Variants in FSTL5 observed in about 807,000 individuals in gnomAD.
FSTL5 encodes follistatin-related protein 5.
Under a neutral mutation model 89.1 loss-of-function variants are expected in FSTL5, and 62 were observed. The observed-to-expected ratio is 0.70, with a 90% CI of 0.57 to 0.86. FSTL5 has a LOEUF of 0.86. Among genes scored for constraint, FSTL5 ranks in the 40% least tolerant of loss-of-function variants. The pLI is 0.00. For synonymous variants in FSTL5, 383 were observed against 346.2 expected (o/e 1.11, Z -1.18); for missense variants, 1,057 against 1,001.6 (o/e 1.06, Z -0.75).
intron 4 of FSTL5, among the ~76,000 whole-genome samples, chr4:161,836,307 G>C (rs1340357659): frequency 8.4e-6 from 1 of 119,424 alleles, no homozygotes; most frequent in Non-Finnish European, 1.7e-5. Flanking sequence ...ACTGTTGTGG[G>C]GTGGGGGGAG....
At chr4:161,734,507 A>G (rs1444264594) in intron 6 of FSTL5, among the ~76,000 whole-genome samples, 1 of 152,160 alleles carries the variant, frequency 6.6e-6, no homozygotes, top group East Asian at 1.9e-4. Context: ...ATATTTTAAT[A>G]GAGATGTAAA....
intron 15 of FSTL5, among the ~76,000 whole-genome samples, chr4:161,431,055 T>C (rs186500220): frequency 6.6e-6 from 1 of 152,160 alleles, no homozygotes; most frequent in African/African-American, 2.4e-5. Context: ...CAAAAAATGT[T>C]AAAGACAGTT....
rs34015058 is a variant in FSTL5 at position 161,808,626 on chromosome 4, C to CA, written c.410-32553dup. On this transcript the variant is annotated intron_variant, in intron 4 of 15. Coordinates refer to ENST00000306100, the MANE Select transcript of FSTL5 (RefSeq NM_020116.5). ...CTTGCATATGACACCAAAAACAGAC[C>CA]AAAAAAAAAACCCAGATAAAATGAA... 3.5e-4 allele frequency among the ~76,000 whole-genome samples: 53 copies of CA among 150,462 alleles called. 1 individual carries two copies. The highest frequency in any genetic ancestry group is 1.1e-3 in the African/African-American group (44 of 40,968).
intron 15 of FSTL5, among the ~76,000 whole-genome samples, chr4:161,442,727 A>C (rs1732814180): frequency 2.0e-5 from 3 of 152,098 alleles, no homozygotes; most frequent in Admixed American, 2.0e-4. Context: ...AGGGAAAAGG[A>C]AAATAGCGTT....
chr4:161,646,902 C>A (rs34262613), intron 7 of FSTL5, among the ~76,000 whole-genome samples: 40,023 of 151,942 alleles, frequency 0.26, 5,615 homozygotes, highest in South Asian at 0.39. Context: ...TTAATAGTAA[C>A]CTTTTATTAG....
At chr4:161,859,460 G>C (rs971005961) in intron 4 of FSTL5, among the ~76,000 whole-genome samples, 1 of 152,096 alleles carries the variant, frequency 6.6e-6, no homozygotes, top group Non-Finnish European at 1.5e-5. Context: ...GTTACTAAAA[G>C]CTCTCTGAAA....
At chr4:161,593,606 G>A (rs989941233) in intron 7 of FSTL5, among the ~76,000 whole-genome samples, 29 of 151,964 alleles carry the variant, frequency 1.9e-4, no homozygotes, top group African/African-American at 6.0e-4. Context: ...AGGGAGGCAA[G>A]GGGAATCATA....
intron 13 of FSTL5, among the ~76,000 whole-genome samples, chr4:161,460,963 C>T (rs535904785): frequency 8.5e-5 from 13 of 152,084 alleles, no homozygotes; most frequent in African/African-American, 3.1e-4. Flanking sequence ...GTATTGCATA[C>T]TCTGTATGTA....
intron 6 of FSTL5, among the ~76,000 whole-genome samples, chr4:161,709,727 T>C (rs1738710391): frequency 6.6e-6 from 1 of 151,980 alleles, no homozygotes; most frequent in Non-Finnish European, 1.5e-5. Flanking sequence ...GCCCAGGAGG[T>C]TGAGGCTTCA....
intron 7 of FSTL5, among the ~76,000 whole-genome samples, chr4:161,619,144 A>C (rs1578972275): frequency 6.6e-6 from 1 of 152,208 alleles, no homozygotes; most frequent in African/African-American, 2.4e-5. Flanking sequence ...CATATGTAGA[A>C]AGCTGAAACT....
intron 4 of FSTL5, among the ~76,000 whole-genome samples, chr4:161,778,714 T>C (rs1176208863): frequency 6.6e-6 from 1 of 152,234 alleles, no homozygotes; most frequent in Non-Finnish European, 1.5e-5. Flanking sequence ...AATAAGAATA[T>C]GTTTTCATAA....
intron 4 of FSTL5, among the ~76,000 whole-genome samples, chr4:161,875,473 C>G (rs530097123): frequency 1.3e-5 from 2 of 152,150 alleles, no homozygotes; most frequent in Admixed American, 1.3e-4. Context: ...ACCAATCAGA[C>G]TGATGGCAGA....
At chr4:162,070,266 T>C (rs1367814359) in intron 2 of FSTL5, among the ~76,000 whole-genome samples, 1 of 151,890 alleles carries the variant, frequency 6.6e-6, no homozygotes, top group African/African-American at 2.4e-5. Context: ...TGGATATTAA[T>C]TTGTTATTAG....
chr4:161,570,900 G>A (rs2126585207), intron 8 of FSTL5, among the ~76,000 whole-genome samples: 1 of 152,206 alleles, frequency 6.6e-6, no homozygotes, highest in Middle Eastern at 3.4e-3. Context: ...CGGATCACGA[G>A]GTCAAGAGAT....
intron 6 of FSTL5, among the ~76,000 whole-genome samples, chr4:161,744,645 C>T (rs1740131894): frequency 6.6e-6 from 1 of 152,106 alleles, no homozygotes; most frequent in Non-Finnish European, 1.5e-5. Flanking sequence ...AACTTAATGG[C>T]TCTTAATGAC....
chr4:161,464,933 G>A (rs560270769), intron 13 of FSTL5, among the ~76,000 whole-genome samples: 13 of 152,074 alleles, frequency 8.5e-5, no homozygotes, highest in East Asian at 1.9e-4. Context: ...TTATTTGTAC[G>A]AGACACAAAT....
At chr4:161,549,632 A>T (rs536238639) in intron 8 of FSTL5, among the ~76,000 whole-genome samples, 1 of 152,044 alleles carries the variant, frequency 6.6e-6, no homozygotes, top group South Asian at 2.1e-4. Context: ...TTGGTAAATA[A>T]AGAAGAGGAC....
intron 8 of FSTL5, among the ~76,000 whole-genome samples, chr4:161,548,898 C>T (rs1193500270): frequency 6.6e-6 from 1 of 151,626 alleles, no homozygotes; most frequent in Non-Finnish European, 1.5e-5. Context: ...CATTTTAATT[C>T]CAATACCAAA....
intron 14 of FSTL5, 75 bp from the exon 15 acceptor site, chr4:161,455,203 A>T (rs947900947): frequency 5.8e-6 from 7 of 1,217,274 alleles, no homozygotes; most frequent in Non-Finnish European, 6.6e-6. Flanking sequence ...TTATTTAGAG[A>T]TGAAATAAAT....
Sources: allele counts gnomAD v4.1 joint callset (sites outside exome capture counted in the v4.1 genomes callset), GRCh38; gene constraint gnomAD v4.1.1; transcripts MANE v1.5; gene names NCBI Gene and HGNC (gene_info 2026-07-23, HGNC 2026-07-21).